The following CDK19 variants were observed in gnomAD, a reference collection of about 807,000 sequenced individuals.
The protein encoded by CDK19 is cyclin dependent kinase 19.
In CDK19, 20 loss-of-function variants were observed where a neutral mutation model predicts 68.3. The ratio of observed to expected loss-of-function variants is 0.29; its 90% CI spans 0.21 to 0.43. CDK19 has a LOEUF of 0.43. Among genes scored for constraint, CDK19 ranks in the 20% least tolerant of loss-of-function variants. CDK19 has a pLI of 1.00. For missense variants in CDK19, 339 were observed against 623.5 expected, an observed-to-expected ratio of 0.54 and a Z score of 4.86; for synonymous variants, 221 against 222.8, an observed-to-expected ratio of 0.99 and a Z score of 0.07.
At chr6:110,752,984 C>T (rs1442180178) in intron 1 of CDK19, among the ~76,000 whole-genome samples, 1 of 152,150 alleles carries the variant, frequency 6.6e-6, no homozygotes, top group African/African-American at 2.4e-5. Flanking sequence ...GGTTGGAAGG[C>T]AGTGGTACGA....
chr6:110,617,662 T>TATATATATACACACAC (rs755618032), intron 12 of CDK19, among the ~76,000 whole-genome samples: 1 of 107,158 alleles, frequency 9.3e-6, no homozygotes, highest in African/African-American at 3.9e-5. Flanking sequence ...TATATATATA[T>TATATATATACACACAC]ACACACACAC....
intron 1 of CDK19, among the ~76,000 whole-genome samples, chr6:110,812,195 A>G (rs1259502301): frequency 6.6e-6 from 1 of 150,498 alleles, no homozygotes; most frequent in Non-Finnish European, 1.5e-5. Flanking sequence ...ATCTCGGCTC[A>G]CTGCAAGCTC....
intron 1 of CDK19, among the ~76,000 whole-genome samples, chr6:110,792,605 G>T (rs1781678026): frequency 6.6e-6 from 1 of 152,036 alleles, no homozygotes; most frequent in South Asian, 2.1e-4. Context: ...ACGGGGTTTT[G>T]CCATGTTGCC....
At chr6:110,726,960 A>G (rs1776358563) in intron 2 of CDK19, among the ~76,000 whole-genome samples, 1 of 152,200 alleles carries the variant, frequency 6.6e-6, no homozygotes, top group Non-Finnish European at 1.5e-5. Context: ...ATCAAGCTGG[A>G]AAGAACAACT....
chr6:110,655,252 G>A (rs1220790552), intron 4 of CDK19, among the ~76,000 whole-genome samples: 1 of 151,798 alleles, frequency 6.6e-6, no homozygotes, highest in Admixed American at 6.6e-5. Context: ...TGTAGTCCTA[G>A]CTACTTGGGA....
At chr6:110,774,301 C>T (rs1780240554) in intron 1 of CDK19, among the ~76,000 whole-genome samples, 1 of 152,044 alleles carries the variant, frequency 6.6e-6, no homozygotes, top group Non-Finnish European at 1.5e-5. Context: ...GTAGTCCCCC[C>T]TTATCCATGG....
At chr6:110,685,877 T>A (rs1309210922) in intron 2 of CDK19, among the ~76,000 whole-genome samples, 1 of 152,150 alleles carries the variant, frequency 6.6e-6, no homozygotes, top group Non-Finnish European at 1.5e-5. Flanking sequence ...TAAGGACAAG[T>A]GGGCTTTCCC....
Position 110,751,910 on chromosome 6 carries a change from A to AC in CDK19, c.129-5710_129-5709insG, listed in dbSNP as rs540517808. 2.1e-3 allele frequency among the ~76,000 whole-genome samples: 320 copies of AC among 152,028 alleles called. 2 individuals are homozygous for AC. Among genetic ancestry groups the AC allele is most frequent in the African/African-American group, 7.4e-3 (309 of 41,490 alleles). On this transcript the variant is annotated intron_variant, in intron 1 of 12. Coordinates refer to ENST00000368911, the MANE Select transcript of CDK19 (RefSeq NM_015076.5). The stretch of plus-strand genomic sequence containing the variant: ...AAATCATATGACATCTGAGCCAACT[A>AC]TTTTTTTCTTCAAGAAGAATGATGA...
chr6:110,767,889 A>G (rs1779705047), intron 1 of CDK19, among the ~76,000 whole-genome samples: 1 of 152,172 alleles, frequency 6.6e-6, no homozygotes. Context: ...TATTTTCAAG[A>G]AGGCAAAAAT....
chr6:110,789,354 C>T (rs1781445866), intron 1 of CDK19, among the ~76,000 whole-genome samples: 2 of 152,024 alleles, frequency 1.3e-5, no homozygotes, highest in South Asian at 2.1e-4. Flanking sequence ...TCTTGGCTCA[C>T]TGCAACCTCC....
intron 2 of CDK19, among the ~76,000 whole-genome samples, chr6:110,736,719 G>GA (rs1198585643): frequency 6.6e-6 from 1 of 152,130 alleles, no homozygotes; most frequent in Admixed American, 6.5e-5. Flanking sequence ...GTTTAAATGG[G>GA]AAAAAGTTAT....
At chr6:110,696,715 A>C (rs943313789) in intron 2 of CDK19, among the ~76,000 whole-genome samples, 2 of 152,096 alleles carry the variant, frequency 1.3e-5, no homozygotes, top group Non-Finnish European at 2.9e-5. Flanking sequence ...TGAGGCCAGG[A>C]TTTCGAGACC....
At chr6:110,810,119 A>G (rs1020421861) in intron 1 of CDK19, among the ~76,000 whole-genome samples, 3 of 152,252 alleles carry the variant, frequency 2.0e-5, no homozygotes, top group Non-Finnish European at 2.9e-5. Flanking sequence ...TCAATGCTAC[A>G]GAAGTATATA....
At chr6:110,664,911 G>A (rs1454084284) in intron 4 of CDK19, among the ~76,000 whole-genome samples, 1 of 152,188 alleles carries the variant, frequency 6.6e-6, no homozygotes, top group African/African-American at 2.4e-5. Context: ...CAGGGATAAG[G>A]GGTTTTAAGA....
intron 4 of CDK19, among the ~76,000 whole-genome samples, chr6:110,646,766 A>C (rs564059788): frequency 6.6e-6 from 1 of 152,042 alleles, no homozygotes; most frequent in Non-Finnish European, 1.5e-5. Context: ...CGCACGGTTG[A>C]GTTCTGGCGT....
At chr6:110,738,975 T>C (rs889977446) in intron 2 of CDK19, among the ~76,000 whole-genome samples, 6 of 152,242 alleles carry the variant, frequency 3.9e-5, no homozygotes, top group African/African-American at 1.4e-4. Flanking sequence ...CACAGAAACA[T>C]CAATGCTGGG....
intron 1 of CDK19, among the ~76,000 whole-genome samples, chr6:110,763,765 G>A (rs913698594): frequency 6.6e-6 from 1 of 151,910 alleles, no homozygotes; most frequent in Non-Finnish European, 1.5e-5. Context: ...GCTAATATAA[G>A]ACAAGAAAAG....
chr6:110,651,165 G>T (rs1780937678), intron 4 of CDK19, among the ~76,000 whole-genome samples: 1 of 152,090 alleles, frequency 6.6e-6, no homozygotes, highest in South Asian at 2.1e-4. Context: ...TACATGACTA[G>T]AATTATCATC....
chr6:110,738,355 CA>C (rs200305300), intron 2 of CDK19, among the ~76,000 whole-genome samples: 7,251 of 127,668 alleles, frequency 0.057, 170 homozygotes, highest in Middle Eastern at 0.089. Context: ...GCTAAAAATA[CA>C]AAAAAAAAAA....
Sources: gnomAD v4.1 joint callset for allele counts (sites outside exome capture counted in the v4.1 genomes callset) on GRCh38, gnomAD v4.1.1 for gene constraint, MANE v1.5 for transcripts, NCBI Gene and HGNC (gene_info 2026-07-23, HGNC 2026-07-21) for gene names.